The following RAET1G variants were observed in gnomAD, a reference collection of about 807,000 sequenced individuals.
The protein encoded by RAET1G is retinoic acid early transcript 1G.
RAET1G carries 25 observed loss-of-function variants against 29.5 expected under a neutral mutation model. That is an observed-to-expected ratio of 0.85 (90% CI 0.62 to 1.18). The LOEUF (loss-of-function observed/expected upper bound fraction) is 1.18. Among genes scored for constraint, RAET1G ranks in the 50% most tolerant of loss-of-function variants. The pLI is 0.00. For synonymous variants in RAET1G, 167 were observed against 159.5 expected, an observed-to-expected ratio of 1.05 and a Z score of -0.36; for missense variants, 434 against 423.6, an observed-to-expected ratio of 1.02 and a Z score of -0.22.
chr6:149,918,404 G>A lies in RAET1G; in HGVS notation c.632-20C>T. 1.2e-6 allele frequency: 2 copies of A among 1,612,016 alleles called. No individual in the cohort carries two copies. The stretch of plus-strand genomic sequence containing the variant: ...GTGGTGCTGAAATGGAAGCACAAGA[G>A]TGACAACCCTTGTCCAGGCCCCAAA... On this transcript the variant is annotated intron_variant, in intron 3 of 4. Coordinates refer to ENST00000367360, the MANE Select transcript of RAET1G (RefSeq NM_001001788.4).
chr6:149,916,956 C>T lies in RAET1G; in HGVS notation c.961G>A (p.Gly321Ser), dbSNP rs1445098486. ...AGTGGCTCCGAATACCTGGCTGCGCCGTTATTTATTGTATACAAGGCAAGA... is the reference window on the plus strand; with the variant it reads ...AGTGGCTCCGAATACCTGGCTGCGCTGTTATTTATTGTATACAAGGCAAGA... ...CPLALYTINN[G>S]AARYSEPLQV... Residue 321 changes from glycine to serine, a missense_variant, in exon 5 of 5, where the codon GGC becomes AGC. Physicochemically the swap from Gly to Ser is moderately conservative, Grantham distance 56. Transcript: ENST00000367360. The T allele has an allele frequency of 3.9e-6, 6 of 1,545,538 alleles. No individual in the cohort carries two copies. The highest frequency in any genetic ancestry group is 3.6e-5 in the South Asian group (3 of 83,120).
chr6:149,919,498 C>A, intron 2 of RAET1G, 55 bp downstream of exon 2: 1 of 1,613,900 alleles, frequency 6.2e-7, no homozygotes, highest in Non-Finnish European at 8.5e-7. Context: ...ACTATAAATG[C>A]CTCTAACCTA....
intron 1 of RAET1G, among the ~76,000 whole-genome samples, chr6:149,921,123 G>A (rs897786588): frequency 6.6e-6 from 1 of 152,228 alleles, no homozygotes; most frequent in Non-Finnish European, 1.5e-5. Context: ...ATGTAAAGGT[G>A]TGCAGGGAAT....
chr6:149,918,814 T>A, intron 3 of RAET1G: 1 of 668,922 alleles, frequency 1.5e-6, no homozygotes, highest in South Asian at 2.0e-5. Context: ...AAATCCACAG[T>A]GTGGGGAACA....
In RAET1G at chr6:149,919,634, G is replaced by C; in HGVS notation, c.268C>G (p.Gln90Glu). 1 of 1,614,010 alleles carries C rather than the reference G, an allele frequency of 6.2e-7. No homozygotes were observed. Among genetic ancestry groups the C allele is most frequent in the East Asian group, 2.2e-5 (1 of 44,884 alleles). ...ACCACCTCTCTCAGTACTGGGTTCTGTGCTTTCCAGGCCGTTGTGACATTT... is the reference window on the plus strand; with the variant it reads ...ACCACCTCTCTCAGTACTGGGTTCTCTGCTTTCCAGGCCGTTGTGACATTT... ...KLNVTTAWKAQNPVLREVVDI... is the reference protein window; with the variant it reads ...KLNVTTAWKAENPVLREVVDI... Residue 90 changes from glutamine (Q) to glutamate (E), a missense_variant, in exon 2 of 5, where the codon CAG becomes GAG. Transcript: ENST00000367360.
intron 1 of RAET1G, 125 bp downstream of exon 1, chr6:149,922,801 G>T: frequency 1.6e-6 from 1 of 633,670 alleles, no homozygotes; most frequent in South Asian, 2.1e-5. Context: ...GAGGGAAACT[G>T]AGCGGGGGCG....
At position 149,917,003 on chromosome 6, in the gene RAET1G, T is replaced by C; in HGVS notation, c.914A>G (p.Asp305Gly). ...AAGAGGGCAGGGTAAGGAGTGTGAGTCGTCTCCAATGATAGGTAAAGTCAC... is the reference window on the plus strand; with the variant it reads ...AAGAGGGCAGGGTAAGGAGTGTGAGCCGTCTCCAATGATAGGTAAAGTCAC... Reference protein sequence around the residue: ...TRVTLPIIGDDSHSLPCPLAL... With the variant: ...TRVTLPIIGDGSHSLPCPLAL... Residue 305 changes from aspartate (D) to glycine (G), a missense_variant, in exon 5 of 5, where the codon GAC becomes GGC. Physicochemically the swap from Asp to Gly is moderately conservative, Grantham distance 94. Transcript: ENST00000367360. 6.4e-7 allele frequency: 1 copy of C among 1,550,710 alleles called. No homozygotes were observed. The highest frequency in any genetic ancestry group is 8.7e-7 in the Non-Finnish European group (1 of 1,146,388).
intron 1 of RAET1G, 117 bp downstream of exon 1, chr6:149,922,809 G>A: frequency 1.5e-6 from 1 of 657,916 alleles, no homozygotes; most frequent in Non-Finnish European, 2.5e-6. Flanking sequence ...CTGAGCGGGG[G>A]CGCAGTCCGG....
chr6:149,919,866 A>T (rs759248726), intron 1 of RAET1G, 50 bp from the exon 2 acceptor site: 9 of 1,611,982 alleles, frequency 5.6e-6, no homozygotes, highest in East Asian at 2.2e-5. Context: ...AGACCCCTAG[A>T]TACCCCTCCT....
Position 149,919,043 on chromosome 6 carries a change from C to T in RAET1G, c.631G>A (p.Ala211Thr). Reference sequence around the variant, plus strand: ...TCCCCATTTCTTTTTCTCCTGTTACCTCCTGCACTTGGCTCCAGGGTGCTG... The same window carrying T: ...TCCCCATTTCTTTTTCTCCTGTTACTTCCTGCACTTGGCTCCAGGGTGCTG... Reference protein sequence around the residue: ...MDSTLEPSAGAPPTMSSGTAQ... With the variant: ...MDSTLEPSAGTPPTMSSGTAQ... Residue 211 changes from alanine to threonine, a missense_variant and splice_region_variant, in exon 3 of 5, where the codon GCA (alanine) becomes ACA (threonine). Ala to Thr is a moderately conservative substitution (Grantham distance 58, BLOSUM62 0). Coordinates refer to ENST00000367360, the MANE Select transcript of RAET1G (RefSeq NM_001001788.4). The T allele has an allele frequency of 6.2e-7, 1 of 1,613,658 alleles. No individual in the cohort carries two copies. Among genetic ancestry groups the T allele is most frequent in the Non-Finnish European group, 8.5e-7 (1 of 1,179,878 alleles).
Position 149,922,916 on chromosome 6 carries a change from C to A in RAET1G, c.85+10G>T. 6.3e-7 allele frequency: 1 copy of A among 1,581,486 alleles called. No homozygotes were observed. Among genetic ancestry groups the A allele is most frequent in the Non-Finnish European group, 8.6e-7 (1 of 1,163,836 alleles). ...CCTCCGCCCCGCTTAGGCTCCATCC[C>A]CGAACTCACCGGCCAGCCCGGTCCT... On this transcript the variant is annotated intron_variant, in intron 1 of 4. Transcript: ENST00000367360.
intron 1 of RAET1G, among the ~76,000 whole-genome samples, chr6:149,922,030 A>G (rs772083961): frequency 6.6e-6 from 1 of 152,148 alleles, no homozygotes; most frequent in African/African-American, 2.4e-5. Flanking sequence ...CTTTCTAGAA[A>G]GGGTTTGCTG....
intron 1 of RAET1G, among the ~76,000 whole-genome samples, chr6:149,922,438 A>C (rs1435000862): frequency 2.6e-5 from 4 of 152,072 alleles, no homozygotes; most frequent in Non-Finnish European, 5.9e-5. Context: ...AGGAAAGTGC[A>C]GGGAAAAATT....
At chr6:149,918,513 C>T (rs2114646874) in intron 3 of RAET1G, 129 bp from the exon 4 acceptor site, 1 of 1,090,368 alleles carries the variant, frequency 9.2e-7, no homozygotes, top group Non-Finnish European at 1.4e-6. Context: ...TGGGGCAGCC[C>T]CTGGGAGAGT....
chr6:149,917,193 C>A lies in RAET1G; in HGVS notation c.843-119G>T, dbSNP rs746029939. On this transcript the variant is annotated intron_variant, in intron 4 of 4. Transcript: ENST00000367360. ...AGAAGGCGGAGCCAGGTGTACAGGG[C>A]GGAACATGAAAGTGGACCAGGAGCG... is the stretch of plus-strand genomic sequence containing the variant. The A allele has an allele frequency of 2.2e-5, 30 of 1,343,746 alleles. No individual in the cohort carries two copies. The East Asian group carries it at 3.9e-4, about 17-fold the overall frequency. The allele number at this position is 1,343,746 out of a possible 1,614,324, so 83.2% of individuals were successfully genotyped here.
intron 4 of RAET1G, 52 bp downstream of exon 4, chr6:149,918,122 C>G: frequency 6.6e-7 from 1 of 1,519,772 alleles, no homozygotes; most frequent in Non-Finnish European, 9.1e-7. Flanking sequence ...CATCCCTGTC[C>G]TCCCTCCTCA....
chr6:149,916,943 T>C lies in RAET1G; in HGVS notation c.974A>G (p.Tyr325Cys), dbSNP rs1488396369. The C allele has an allele frequency of 6.5e-7, 1 of 1,545,490 alleles. No homozygotes were observed. The highest frequency in any genetic ancestry group is 1.2e-5 in the South Asian group (1 of 82,992). Reference protein sequence around the residue: ...LYTINNGAARYSEPLQVSIS With the variant: ...LYTINNGAARCSEPLQVSIS ...TATGGAGACCTGTAGTGGCTCCGAA[T>C]ACCTGGCTGCGCCGTTATTTATTGT... Residue 325 changes from tyrosine (Y) to cysteine (C), a missense_variant, in exon 5 of 5, where the codon TAT becomes TGT. Physicochemically the swap from Tyr to Cys is radical, Grantham distance 194 (BLOSUM62 -2). Coordinates refer to ENST00000367360, the MANE Select transcript of RAET1G (RefSeq NM_001001788.4).
At position 149,919,098 on chromosome 6, in the gene RAET1G, T is replaced by C; in HGVS notation, c.576A>G (p.Gly192=). ...FHYISMGDCT[G]WLEDFLMGMD... is the part of the protein sequence containing the mutation. ...TGCCCATCAAGAAGTCCTCAAGCCA[T>C]CCTGTGCAGTCTCCCATTGAGATGT... Residue 192 remains glycine (G), a synonymous_variant, in exon 3 of 5, where the codon GGA becomes GGG. Coordinates refer to ENST00000367360, the MANE Select transcript of RAET1G (RefSeq NM_001001788.4). The C allele has an allele frequency of 1.2e-6, 2 of 1,614,182 alleles. No homozygotes were observed. Among genetic ancestry groups the C allele is most frequent in the Non-Finnish European group, 8.5e-7 (1 of 1,180,040 alleles).
rs1778525770 is a variant in RAET1G, at chr6:149,919,044, T to G, written c.630A>C (p.Gly210=). 4 of 1,613,664 alleles carry G rather than the reference T, an allele frequency of 2.5e-6. No homozygotes were observed. Among genetic ancestry groups the G allele is most frequent in the African/African-American group, 1.3e-5 (1 of 74,818 alleles). ...CCCCATTTCTTTTTCTCCTGTTACC[T>G]CCTGCACTTGGCTCCAGGGTGCTGT... The part of the protein sequence containing the change: ...GMDSTLEPSA[G]APPTMSSGTA... The change falls in exon 3 of 5, where the codon GGA becomes GGC. Residue 210 remains glycine, a splice_region_variant and synonymous_variant. Transcript: ENST00000367360.
Sources: allele counts gnomAD v4.1 joint callset (sites outside exome capture counted in the v4.1 genomes callset), GRCh38; gene constraint gnomAD v4.1.1; transcripts MANE v1.5; gene names NCBI Gene and HGNC (gene_info 2026-07-23, HGNC 2026-07-21).